Variants in SMCO4 observed in about 807,000 individuals in gnomAD.
The protein encoded by SMCO4 is single-pass membrane protein with coiled-coil domains 4.
SMCO4 carries 4 observed loss-of-function variants against 3.6 expected under a neutral mutation model. That is an observed-to-expected ratio of 1.11 (90% confidence interval 0.54 to 2.53). SMCO4 has a LOEUF of 2.53. Among genes scored for constraint, SMCO4 ranks in the 30% most tolerant of loss-of-function variants. The pLI is 0.02. For synonymous variants in SMCO4, 36 were observed against 35.3 expected, an observed-to-expected ratio of 1.02 and a Z score of -0.07; for missense variants, 70 against 80.8, an observed-to-expected ratio of 0.87 and a Z score of 0.51.
intron 1 of SMCO4, among the ~76,000 whole-genome samples, chr11:93,515,706 G>C (rs1362910294): frequency 6.6e-6 from 1 of 152,218 alleles, no homozygotes; most frequent in Admixed American, 6.5e-5. Flanking sequence ...GGTCACTGCA[G>C]CTTCACGTTC....
intron 2 of SMCO4, among the ~76,000 whole-genome samples, chr11:93,482,963 T>G (rs909263653): frequency 1.3e-5 from 2 of 152,066 alleles, no homozygotes; most frequent in Non-Finnish European, 2.9e-5. Flanking sequence ...TCTAATAGAA[T>G]GGGAGAAAAC....
intron 1 of SMCO4, among the ~76,000 whole-genome samples, chr11:93,521,440 C>T (rs1949057779): frequency 6.6e-6 from 1 of 152,188 alleles, no homozygotes; most frequent in Admixed American, 6.5e-5. Flanking sequence ...ACTCATCTAA[C>T]TGTCATAATA....
intron 1 of SMCO4, among the ~76,000 whole-genome samples, chr11:93,503,613 A>G (rs374165488): frequency 1.5e-4 from 23 of 152,228 alleles, no homozygotes; most frequent in Non-Finnish European, 2.4e-4. Flanking sequence ...ACATGCCCTT[A>G]TAAGAAAGGT....
intron 1 of SMCO4, among the ~76,000 whole-genome samples, chr11:93,520,111 A>C (rs959155068): frequency 1.3e-5 from 2 of 152,198 alleles, no homozygotes; most frequent in African/African-American, 2.4e-5. Flanking sequence ...CCTGATGAGA[A>C]ACAAAGCATG....
At chr11:93,520,017 AG>A (rs1009851303) in intron 1 of SMCO4, among the ~76,000 whole-genome samples, 3 of 152,238 alleles carry the variant, frequency 2.0e-5, no homozygotes, top group Non-Finnish European at 4.4e-5. Context: ...AAAGGTTAGC[AG>A]GGCCAACATC....
chr11:93,498,759 G>A (rs1948804225), intron 2 of SMCO4, among the ~76,000 whole-genome samples: 2 of 152,308 alleles, frequency 1.3e-5, no homozygotes, highest in Admixed American at 1.3e-4. Context: ...TAAGGGAGGC[G>A]TGGTGGGGGT....
chr11:93,482,990 G>T (rs1308362107), intron 2 of SMCO4, among the ~76,000 whole-genome samples: 1 of 152,214 alleles, frequency 6.6e-6, no homozygotes, highest in Non-Finnish European at 1.5e-5. Flanking sequence ...ACTGAAAAAA[G>T]AAGAGGTCTC....
intron 1 of SMCO4, among the ~76,000 whole-genome samples, chr11:93,518,946 T>C (rs1180899362): frequency 6.6e-6 from 1 of 152,206 alleles, no homozygotes; most frequent in East Asian, 1.9e-4. Context: ...AGACCACTCT[T>C]CTCTTTGGAA....
the SMCO4 span, among the ~76,000 whole-genome samples, chr11:93,553,476 GTAAC>G: frequency 2.0e-5 from 3 of 152,078 alleles, no homozygotes; most frequent in Non-Finnish European, 4.4e-5. Flanking sequence ...ATGAATGTTG[GTAAC>G]AAACCACAGT....
At chr11:93,481,431 C>T in intron 2 of SMCO4, 1 of 985,438 alleles carries the variant, frequency 1.0e-6, no homozygotes, top group Non-Finnish European at 1.2e-6. Flanking sequence ...TGATGCCCAC[C>T]TTCGCGGGAC....
rs1565385063 is a variant in SMCO4, at chr11:93,520,798, G to C, written c.-153-21450C>G. Among the ~76,000 whole-genome samples the C allele has an allele frequency of 2.0e-5, 3 of 152,230 alleles. No individual in the cohort carries two copies. The South Asian group carries it at 6.2e-4, about 31-fold the overall frequency. ...CCAGACTTGCAAATTAGGGGCTAAA[G>C]CCAAAACCAAGTCTCTTTGGGATTT... On this transcript the variant is annotated intron_variant, in intron 1 of 2. Transcript: ENST00000298966.
intron 1 of SMCO4, among the ~76,000 whole-genome samples, chr11:93,517,975 A>G (rs1359188657): frequency 6.6e-6 from 1 of 152,244 alleles, no homozygotes. Context: ...TATATCAGAC[A>G]TTTTAAAGTA....
Position 93,514,374 on chromosome 11 carries a change from C to CTATA in SMCO4, c.-153-15030_-153-15027dup, listed in dbSNP as rs148462986. 8.6e-3 allele frequency among the ~76,000 whole-genome samples: 334 copies of CTATA among 38,886 alleles called. 2 individuals are homozygous for CTATA. The highest frequency in any genetic ancestry group is 0.016 in the Non-Finnish European group (245 of 15,494). The allele number at this position is 38,886 out of a possible 152,430, so 25.5% of individuals were successfully genotyped here. A position where few individuals can be genotyped will look rare whatever the true frequency, so the allele number is the denominator to read the frequency against. ...AAAGGAAAAATAAAACAGGATGAGG[C>CTATA]TATATATATATATATATATATATAT... On this transcript the variant is annotated intron_variant, in intron 1 of 2. Transcript: ENST00000298966.
intron 1 of SMCO4, among the ~76,000 whole-genome samples, chr11:93,532,714 C>G (rs1949174961): frequency 6.6e-6 from 1 of 152,148 alleles, no homozygotes; most frequent in South Asian, 2.1e-4. Flanking sequence ...CCAAGAATAC[C>G]AAGGACGGCC....
the SMCO4 span, among the ~76,000 whole-genome samples, chr11:93,548,746 A>C: frequency 4.6e-5 from 7 of 152,208 alleles, no homozygotes; most frequent in Non-Finnish European, 1.0e-4. Flanking sequence ...AAACAAAGCA[A>C]GGAAAGAGTG....
At position 93,539,156 on chromosome 11, in the gene SMCO4, C is replaced by T. The variant is rs540747081; in HGVS notation, c.-154+4120G>A. Among the ~76,000 whole-genome samples, 306 of 152,146 alleles carry T rather than the reference C, an allele frequency of 2.0e-3. 1 individual carries two copies. Among genetic ancestry groups the T allele is most frequent in the Non-Finnish European group, 3.4e-3 (232 of 68,026 alleles). On this transcript the variant is annotated intron_variant, in intron 1 of 2. Coordinates refer to ENST00000298966, the MANE Select transcript of SMCO4 (RefSeq NM_020179.3). ...AGCCTCCCAGAGCTACTGTGAGGAC[C>T]GAATCCAAGTTCTAAAGAGCCTAGA...
At chr11:93,487,324 C>T (rs956504797) in intron 2 of SMCO4, among the ~76,000 whole-genome samples, 12 of 152,132 alleles carry the variant, frequency 7.9e-5, no homozygotes, top group African/African-American at 2.9e-4. Flanking sequence ...AGCGTCTGCC[C>T]CAGGAACATA....
intron 1 of SMCO4, among the ~76,000 whole-genome samples, chr11:93,509,118 T>A (rs1322923424): frequency 6.6e-6 from 1 of 151,648 alleles, no homozygotes; most frequent in African/African-American, 2.4e-5. Context: ...GGTGAAACCC[T>A]GTCTCTACCA....
intron 2 of SMCO4, among the ~76,000 whole-genome samples, chr11:93,490,373 G>A (rs941258070): frequency 2.0e-5 from 3 of 152,238 alleles, no homozygotes; most frequent in African/African-American, 7.2e-5. Flanking sequence ...TGAAATTCCT[G>A]TAAGAGGGTC....
Sources: allele counts gnomAD v4.1 joint callset (sites outside exome capture counted in the v4.1 genomes callset), GRCh38; gene constraint gnomAD v4.1.1; transcripts MANE v1.5; gene names NCBI Gene and HGNC (gene_info 2026-07-23, HGNC 2026-07-21).